The following LRRC4C variants were observed in gnomAD, a reference collection of about 807,000 sequenced individuals.
The protein encoded by LRRC4C is leucine rich repeat containing 4C.
A neutral mutation model predicts 33.6 loss-of-function variants in LRRC4C; 5 were observed. The ratio of observed to expected loss-of-function variants is 0.15; its 90% CI spans 0.08 to 0.31. The LOEUF (loss-of-function observed/expected upper bound fraction) is 0.31. Among genes scored for constraint, LRRC4C ranks in the 10% least tolerant of loss-of-function variants. The probability of loss-of-function intolerance (pLI) is 1.00; values close to 1 mark genes in which losing one functional copy is unlikely to be tolerated. For missense variants in LRRC4C, 560 were observed against 796.7 expected (o/e 0.70, Z 3.58); for synonymous variants, 329 against 302.0 (o/e 1.09, Z -0.93).
At chr11:40,132,611 T>G (rs1228234771) in intron 6 of LRRC4C, among the ~76,000 whole-genome samples, 1 of 152,150 alleles carries the variant, frequency 6.6e-6, no homozygotes. Flanking sequence ...TCTTAGGGTG[T>G]TTTGGGTGAC....
chr11:40,146,040 G>C (rs111396255), intron 5 of LRRC4C, among the ~76,000 whole-genome samples: 2,453 of 152,230 alleles, frequency 0.016, 70 homozygotes, highest in African/African-American at 0.055. Context: ...TATATAAAAT[G>C]TCCTTGATTT....
rs188099309 is a variant in LRRC4C at position 41,146,652 on chromosome 11, C to T, written c.-495-212929G>A. Among the ~76,000 whole-genome samples the T allele has an allele frequency of 3.3e-5, 5 of 152,274 alleles. No homozygotes were observed. The East Asian group carries it at 9.7e-4, about 29-fold the overall frequency. On this transcript the variant is annotated intron_variant, in intron 1 of 6. Transcript: ENST00000528697. Reference sequence around the variant, plus strand: ...AAGTCTTGGAATACCCTCCTTCCTCCCGCCTGCCACAAAAGAAAAATTTGT... The same window carrying T: ...AAGTCTTGGAATACCCTCCTTCCTCTCGCCTGCCACAAAAGAAAAATTTGT...
intron 1 of LRRC4C, among the ~76,000 whole-genome samples, chr11:40,944,155 CA>C (rs1346961639): frequency 6.6e-6 from 1 of 151,944 alleles, no homozygotes; most frequent in Non-Finnish European, 1.5e-5. Flanking sequence ...ACAATTTGAT[CA>C]ATAAATAAAA....
intron 1 of LRRC4C, among the ~76,000 whole-genome samples, chr11:41,055,874 GT>G (rs1371290832): frequency 2.0e-5 from 3 of 152,052 alleles, no homozygotes; most frequent in African/African-American, 4.8e-5. Context: ...CTATAGTCCA[GT>G]TCTTATACAT....
chr11:41,344,226 CTTTT>C (rs34736782), intron 1 of LRRC4C, among the ~76,000 whole-genome samples: 1 of 118,430 alleles, frequency 8.4e-6, no homozygotes, highest in Admixed American at 9.6e-5. Context: ...TGAAGCCTTT[CTTTT>C]TTTTTTTTTT....
intron 3 of LRRC4C, among the ~76,000 whole-genome samples, chr11:40,596,031 CCA>C (rs1959251363): frequency 6.6e-6 from 1 of 151,030 alleles, no homozygotes; most frequent in Non-Finnish European, 1.5e-5. Flanking sequence ...TGTTGTATTC[CCA>C]GTGTAGCACA....
chr11:41,288,904 G>C (rs1168856960), intron 1 of LRRC4C, among the ~76,000 whole-genome samples: 2 of 127,704 alleles, frequency 1.6e-5, no homozygotes, highest in Non-Finnish European at 3.4e-5. Flanking sequence ...TTCTAGGGAG[G>C]GTATGAATGA....
intron 1 of LRRC4C, among the ~76,000 whole-genome samples, chr11:41,414,072 G>T (rs1415276660): frequency 6.6e-6 from 1 of 152,136 alleles, no homozygotes; most frequent in Non-Finnish European, 1.5e-5. Flanking sequence ...CATTTTCTCT[G>T]ACTTGCTACA....
At chr11:41,456,304 T>C (rs939707938) in intron 1 of LRRC4C, among the ~76,000 whole-genome samples, 1 of 152,046 alleles carries the variant, frequency 6.6e-6, no homozygotes, top group African/African-American at 2.4e-5. Flanking sequence ...ACCTGATCCT[T>C]ACCCACCTCC....
At chr11:41,311,745 A>G (rs1398031326) in intron 1 of LRRC4C, among the ~76,000 whole-genome samples, 2 of 152,206 alleles carry the variant, frequency 1.3e-5, no homozygotes, top group African/African-American at 4.8e-5. Context: ...ATTAAATTGT[A>G]TTAGCAAATG....
chr11:40,133,124 AT>A (rs1856755528), intron 6 of LRRC4C, among the ~76,000 whole-genome samples: 1 of 152,154 alleles, frequency 6.6e-6, no homozygotes, highest in Admixed American at 6.6e-5. Flanking sequence ...CTTCCTTTGG[AT>A]TGATGACTGG....
intron 3 of LRRC4C, among the ~76,000 whole-genome samples, chr11:40,502,720 C>G (rs965363124): frequency 2.0e-5 from 3 of 152,266 alleles, no homozygotes; most frequent in East Asian, 1.9e-4. Flanking sequence ...AAGCATGCAT[C>G]TCTATAAATA....
intron 1 of LRRC4C, among the ~76,000 whole-genome samples, chr11:41,065,983 T>C (rs898499322): frequency 1.3e-5 from 2 of 152,146 alleles, no homozygotes; most frequent in African/African-American, 4.8e-5. Context: ...TGCTGAAAAT[T>C]CCAAAAGCCA....
At chr11:41,099,602 T>C (rs1229913953) in intron 1 of LRRC4C, among the ~76,000 whole-genome samples, 1 of 152,178 alleles carries the variant, frequency 6.6e-6, no homozygotes, top group Admixed American at 6.6e-5. Flanking sequence ...CACGTGATTA[T>C]GTCAATAGAG....
At chr11:40,421,895 A>C (rs1950536413) in intron 3 of LRRC4C, among the ~76,000 whole-genome samples, 1 of 152,236 alleles carries the variant, frequency 6.6e-6, no homozygotes, top group East Asian at 1.9e-4. Context: ...CACACCATTA[A>C]ATGAAAACAT....
intron 1 of LRRC4C, among the ~76,000 whole-genome samples, chr11:41,000,485 T>C: frequency 6.6e-6 from 1 of 152,204 alleles, no homozygotes; most frequent in Non-Finnish European, 1.5e-5. Flanking sequence ...TGTGTGTGTA[T>C]GTGTGTGCTT....
intron 1 of LRRC4C, among the ~76,000 whole-genome samples, chr11:40,953,005 T>C (rs1958786217): frequency 6.6e-6 from 1 of 151,698 alleles, no homozygotes; most frequent in African/African-American, 2.4e-5. Context: ...AAATGCAGGA[T>C]AATCAGAGAG....
At chr11:41,030,024 A>G (rs1205193369) in intron 1 of LRRC4C, among the ~76,000 whole-genome samples, 1 of 151,824 alleles carries the variant, frequency 6.6e-6, no homozygotes, top group Non-Finnish European at 1.5e-5. Context: ...GGGTGAACAA[A>G]CTTCAAAAGG....
At chr11:40,426,234 C>G (rs1174165544) in intron 3 of LRRC4C, among the ~76,000 whole-genome samples, 1 of 151,924 alleles carries the variant, frequency 6.6e-6, no homozygotes, top group African/African-American at 2.4e-5. Flanking sequence ...AGGATTGTCT[C>G]GATCTCCTGA....
Sources: allele counts gnomAD v4.1 joint callset (sites outside exome capture counted in the v4.1 genomes callset), GRCh38; gene constraint gnomAD v4.1.1; transcripts MANE v1.5; gene names NCBI Gene and HGNC (gene_info 2026-07-23, HGNC 2026-07-21).